ADGRV1: variants seen among roughly 807,000 people sequenced by gnomAD.
ADGRV1 encodes the protein adhesion G protein-coupled receptor V1.
In ADGRV1, 359 loss-of-function variants were observed where a neutral mutation model predicts 596.2. The observed-to-expected ratio is 0.60, with a 90% CI of 0.55 to 0.66. ADGRV1 has a LOEUF of 0.66. Among genes scored for constraint, ADGRV1 ranks in the 30% least tolerant of loss-of-function variants. ADGRV1 has a pLI of 0.00. For missense variants in ADGRV1, 7,274 were observed against 7,575.6 expected, an observed-to-expected ratio of 0.96 and a Z score of 1.48; for synonymous variants, 2,681 against 2,679.2, an observed-to-expected ratio of 1.00 and a Z score of -0.02.
chr5:91,065,732 C>T (rs146478435), intron 85 of ADGRV1, among the ~76,000 whole-genome samples: 4 of 152,140 alleles, frequency 2.6e-5, no homozygotes, highest in African/African-American at 4.8e-5. Flanking sequence ...AAAGCATTAC[C>T]GAGGAGAGAT....
intron 83 of ADGRV1, among the ~76,000 whole-genome samples, chr5:90,866,506 A>G (rs1396589104): frequency 6.6e-6 from 1 of 151,920 alleles, no homozygotes; most frequent in Non-Finnish European, 1.5e-5. Flanking sequence ...TTCTCCCTTA[A>G]ATTTATCGAT....
chr5:90,823,457 T>A lies in ADGRV1; in HGVS notation c.16229T>A (p.Val5410Asp). 1 of 1,613,752 alleles carries A rather than the reference T, an allele frequency of 6.2e-7. No homozygotes were observed. Among genetic ancestry groups the A allele is most frequent in the Non-Finnish European group, 8.5e-7 (1 of 1,179,820 alleles). Reference sequence around the variant, plus strand: ...GAAGATGTCAAGGTCTTTTGGCGAGTCACACTTAACAAAACAGTCGTCGTG... The same window carrying A: ...GAAGATGTCAAGGTCTTTTGGCGAGACACACTTAACAAAACAGTCGTCGTG... ...AFEDVKVFWR[V>D]TLNKTVVVLQ... Residue 5410 changes from valine (V) to aspartate (D), a missense_variant, in exon 76 of 90, where the codon GTC becomes GAC. Physicochemically the swap from Val to Asp is radical, Grantham distance 152 (BLOSUM62 -3). Around this residue, in one of 5 missense-constraint regions of ADGRV1, gnomAD observed 1,874 missense variants for 1,970.2 expected, o/e 0.95. Transcript: ENST00000405460.
At chr5:90,965,556 G>A (rs372233139) in intron 84 of ADGRV1, 25 bp downstream of exon 84, 47 of 1,339,030 alleles carry the variant, frequency 3.5e-5, no homozygotes, top group Non-Finnish European at 4.6e-5. Flanking sequence ...CCCTCTCCCC[G>A]CCCCTTTAAT....
intron 83 of ADGRV1, among the ~76,000 whole-genome samples, chr5:90,881,028 A>G (rs1038213297): frequency 2.6e-5 from 4 of 152,172 alleles, no homozygotes; most frequent in African/African-American, 7.2e-5. Flanking sequence ...TGTCTGCTCA[A>G]TGATGTATTC....
chr5:90,667,156 C>T (rs1771582720), intron 21 of ADGRV1, among the ~76,000 whole-genome samples: 2 of 148,396 alleles, frequency 1.3e-5, no homozygotes, highest in African/African-American at 2.5e-5. Flanking sequence ...GAACGTTGGC[C>T]TGCCTTGCTA....
intron 84 of ADGRV1, among the ~76,000 whole-genome samples, chr5:90,970,886 A>G (rs1383065123): frequency 8.5e-5 from 13 of 152,054 alleles, no homozygotes; most frequent in Non-Finnish European, 1.8e-4. Flanking sequence ...AGAAGAAGGC[A>G]TGAGATGATC....
intron 67 of ADGRV1, among the ~76,000 whole-genome samples, chr5:90,784,454 T>G (rs1476501951): frequency 6.6e-6 from 1 of 152,162 alleles, no homozygotes; most frequent in African/African-American, 2.4e-5. Context: ...AAAAATAAAT[T>G]GATCTGATAA....
At chr5:90,760,752 A>G (rs985990123) in intron 58 of ADGRV1, among the ~76,000 whole-genome samples, 4 of 152,136 alleles carry the variant, frequency 2.6e-5, no homozygotes, top group Non-Finnish European at 4.4e-5. Context: ...AAGGAACCCA[A>G]TTATTATTGA....
chr5:90,736,399 T>A (rs1753224972), intron 50 of ADGRV1, among the ~76,000 whole-genome samples: 1 of 152,122 alleles, frequency 6.6e-6, no homozygotes, highest in African/African-American at 2.4e-5. Flanking sequence ...GATTTTTGCA[T>A]CTTTGTTCAT....
At chr5:90,670,438 G>A (rs1772288308) in intron 21 of ADGRV1, among the ~76,000 whole-genome samples, 1 of 152,178 alleles carries the variant, frequency 6.6e-6, no homozygotes, top group Admixed American at 6.5e-5. Flanking sequence ...GTAGTTGATC[G>A]GTGAGGGGCT....
intron 83 of ADGRV1, among the ~76,000 whole-genome samples, chr5:90,957,948 C>T (rs1394233644): frequency 6.6e-6 from 1 of 151,646 alleles, no homozygotes; most frequent in Non-Finnish European, 1.5e-5. Flanking sequence ...AGAATGATAG[C>T]TATCCCAATA....
At chr5:90,622,573 A>T in intron 4 of ADGRV1, 24 bp from the exon 5 acceptor site, 1 of 1,204,572 alleles carries the variant, frequency 8.3e-7, no homozygotes, top group East Asian at 2.8e-5. Flanking sequence ...GCTCCTGATC[A>T]TCTGTGCTTG....
intron 85 of ADGRV1, among the ~76,000 whole-genome samples, chr5:91,022,493 AGG>A (rs1216212296): frequency 1.3e-5 from 2 of 152,100 alleles, no homozygotes; most frequent in Non-Finnish European, 2.9e-5. Flanking sequence ...TTTGATTCAG[AGG>A]CTCAGTAGGT....
chr5:90,721,122 T>C (rs1359482184), intron 45 of ADGRV1, 63 bp downstream of exon 45: 1 of 1,430,170 alleles, frequency 7.0e-7, no homozygotes, highest in Non-Finnish European at 9.6e-7. Flanking sequence ...GTATAAGATT[T>C]ATATTTTTTC....
intron 4 of ADGRV1, 110 bp downstream of exon 4, chr5:90,619,291 A>G (rs1421725111): frequency 4.0e-6 from 2 of 497,912 alleles, no homozygotes; most frequent in East Asian, 3.6e-5. Context: ...TGATATTTAA[A>G]TAAAATTTGC....
At chr5:90,568,119 C>A (rs1333581696) in intron 1 of ADGRV1, among the ~76,000 whole-genome samples, 1 of 151,854 alleles carries the variant, frequency 6.6e-6, no homozygotes, top group East Asian at 1.9e-4. Flanking sequence ...TTTATTTGTT[C>A]CCACTCAAAT....
intron 57 of ADGRV1, 95 bp downstream of exon 57, chr5:90,757,256 G>T: frequency 1.1e-6 from 1 of 888,780 alleles, no homozygotes. Context: ...ATTGCTAAAT[G>T]CATTATACTC....
Position 90,628,746 on chromosome 5 carries a change from G to C in ADGRV1, c.1423G>C (p.Asp475His). The C allele has an allele frequency of 6.2e-7, 1 of 1,613,942 alleles. No individual in the cohort carries two copies. Among genetic ancestry groups the C allele is most frequent in the Non-Finnish European group, 8.5e-7 (1 of 1,179,818 alleles). ...ATIPLTVVDD[D>H]LPEEAEAYLL... ...AATTCCTCTTACTGTGGTTGATGAT[G>C]ATCTTCCAGAAGAGGCAGAAGCTTA... The change falls in exon 8 of 90, where the codon GAT becomes CAT. Residue 475 changes from aspartate (D) to histidine (H), a missense_variant. Transcript: ENST00000405460.
In ADGRV1 at chr5:90,778,565, T is replaced by C. The variant is rs770729757; in HGVS notation, c.12805T>C (p.Phe4269Leu). 4 of 1,608,822 alleles carry C rather than the reference T, an allele frequency of 2.5e-6. No homozygotes were observed. The highest frequency in any genetic ancestry group is 3.4e-6 in the Non-Finnish European group (4 of 1,177,060). The change falls in exon 63 of 90, where the codon TTT (phenylalanine) becomes CTT (leucine). Residue 4269 changes from phenylalanine (F) to leucine (L), a missense_variant. Phe to Leu is a conservative substitution (Grantham distance 22). Coordinates refer to ENST00000405460, the MANE Select transcript of ADGRV1 (RefSeq NM_032119.4). The part of the protein sequence containing the change: ...VVASDSPYGR[F>L]AFSHEQLRVS... ...GGCCAGCGACTCTCCCTATGGCCGA[T>C]TTGCCTTTTCACATGAGCAACTTCG... is the stretch of plus-strand genomic sequence containing the variant.
Sources: allele counts gnomAD v4.1 joint callset (sites outside exome capture counted in the v4.1 genomes callset), GRCh38; gene constraint gnomAD v4.1.1; regional missense constraint gnomAD v4.1.1; transcripts MANE v1.5; gene names NCBI Gene and HGNC (gene_info 2026-07-23, HGNC 2026-07-21).